Variants in TSPAN18 observed in about 807,000 individuals in gnomAD.
TSPAN18 encodes tetraspanin-18.
In TSPAN18, 14 loss-of-function variants were observed where a neutral mutation model predicts 27.3. The ratio of observed to expected loss-of-function variants is 0.51; its 90% CI spans 0.34 to 0.80. The LOEUF (loss-of-function observed/expected upper bound fraction) is 0.80, where lower values mean the gene tolerates loss of function less well. TSPAN18 is among the 30% of genes least tolerant of loss of function. The pLI is 0.01. For missense variants in TSPAN18, 268 were observed against 323.9 expected (o/e 0.83, Z 1.32); for synonymous variants, 143 against 136.5 (o/e 1.05, Z -0.33).
intron 2 of TSPAN18, among the ~76,000 whole-genome samples, chr11:44,849,090 G>A (rs34372999): frequency 0.19 from 28,676 of 152,190 alleles, 3,623 homozygotes; most frequent in Non-Finnish European, 0.28. Flanking sequence ...AGTGCATTGT[G>A]CAGCACCTGC....
chr11:44,820,609 C>A (rs1565164422), intron 2 of TSPAN18, among the ~76,000 whole-genome samples: 1 of 152,108 alleles, frequency 6.6e-6, no homozygotes, highest in East Asian at 1.9e-4. Flanking sequence ...TAAAATGATA[C>A]TTTCCTAGGT....
intron 2 of TSPAN18, among the ~76,000 whole-genome samples, chr11:44,766,951 G>A (rs1360508245): frequency 6.6e-6 from 1 of 152,216 alleles, no homozygotes; most frequent in East Asian, 1.9e-4. Flanking sequence ...GTAAGGTCAA[G>A]GTGACTACCA....
Position 44,908,811 on chromosome 11 carries a change from G to GAA in TSPAN18, c.64-892_64-891dup, listed in dbSNP as rs763608223. ...AGAAAGAAAGAAAGAAAGAAAGAAA[G>GAA]AAAGAAAGAAAGAAAGAAAAAGAAA... is the stretch of plus-strand genomic sequence containing the variant. On this transcript the variant is annotated intron_variant, in intron 4 of 9. Coordinates refer to ENST00000520358, the MANE Select transcript of TSPAN18 (RefSeq NM_130783.5). Among the ~76,000 whole-genome samples the GAA allele has an allele frequency of 5.2e-5, 6 of 114,980 alleles. 1 individual carries two copies. Among genetic ancestry groups the GAA allele is most frequent in the South Asian group, 2.8e-4 (1 of 3,562 alleles). 75.4% of individuals were successfully genotyped at this position (114,980 alleles called of 152,430 possible). A position where few individuals can be genotyped will look rare whatever the true frequency, so the allele number is the denominator to read the frequency against.
intron 2 of TSPAN18, among the ~76,000 whole-genome samples, chr11:44,832,612 G>A (rs1461993778): frequency 3.9e-5 from 6 of 152,300 alleles, no homozygotes; most frequent in Middle Eastern, 3.4e-3. Flanking sequence ...CCACTGCCCC[G>A]GAGGGATCTA....
At chr11:44,859,233 G>A (rs372292937) in intron 2 of TSPAN18, among the ~76,000 whole-genome samples, 33 of 152,300 alleles carry the variant, frequency 2.2e-4, no homozygotes, top group African/African-American at 7.5e-4. Context: ...AGAATTTAGA[G>A]ATGCTGTTTG....
chr11:44,751,764 T>G (rs1387119506), intron 1 of TSPAN18, among the ~76,000 whole-genome samples: 1 of 151,910 alleles, frequency 6.6e-6, no homozygotes, highest in South Asian at 2.1e-4. Flanking sequence ...CCATCTCTAC[T>G]AAAAATACAA....
chr11:44,883,278 A>T (rs1347229264), intron 3 of TSPAN18, among the ~76,000 whole-genome samples: 1 of 152,160 alleles, frequency 6.6e-6, no homozygotes. Context: ...CACCATTTCC[A>T]TTTCCAAAAG....
At chr11:44,781,499 C>T (rs1855939165) in intron 2 of TSPAN18, among the ~76,000 whole-genome samples, 1 of 152,172 alleles carries the variant, frequency 6.6e-6, no homozygotes, top group African/African-American at 2.4e-5. Context: ...GGAGAAGGTG[C>T]AGTAGCAGCA....
intron 2 of TSPAN18, among the ~76,000 whole-genome samples, chr11:44,808,305 T>C (rs951044735): frequency 1.3e-5 from 2 of 152,170 alleles, no homozygotes; most frequent in Non-Finnish European, 2.9e-5. Context: ...TCCTCCAGCA[T>C]CTTGAGGGTG....
At chr11:44,775,442 G>C (rs751706) in intron 2 of TSPAN18, among the ~76,000 whole-genome samples, 65,840 of 151,960 alleles carry the variant, frequency 0.43, 15,583 homozygotes, top group Non-Finnish European at 0.52. Context: ...AACTTGAATC[G>C]CTCCTGTTCC....
Position 44,919,272 on chromosome 11 carries a change from C to CCTGG in TSPAN18, c.392_393insCTGG (p.Asp132TrpfsTer24), listed in dbSNP as rs1860034678. On this transcript the variant is annotated frameshift_variant, in exon 7 of 10. Transcript: ENST00000520358. LOFTEE classifies it high-confidence loss of function. The stretch of plus-strand genomic sequence containing the variant: ...AAGCACTACCAGGGCAATAACGACA[C>CCTGG]AGACGTCTTCTCTGCCACCTGGAAC... 6.8e-6 allele frequency: 11 copies of CCTGG among 1,614,060 alleles called. No homozygotes were observed. In the East Asian group the frequency reaches 2.2e-4, roughly 33 times the overall value.
chr11:44,859,952 C>T (rs1857833108), intron 2 of TSPAN18, among the ~76,000 whole-genome samples: 1 of 152,188 alleles, frequency 6.6e-6, no homozygotes, highest in African/African-American at 2.4e-5. Context: ...CTCCAATCTG[C>T]TTGGACTCAT....
chr11:44,832,598 A>T (rs1185157302), intron 2 of TSPAN18, among the ~76,000 whole-genome samples: 1 of 152,058 alleles, frequency 6.6e-6, no homozygotes, highest in Non-Finnish European at 1.5e-5. Flanking sequence ...TTCCTCCCAA[A>T]CTGCCACTGC....
At chr11:44,903,788 G>A (rs1333843112) in intron 3 of TSPAN18, 1 of 438,128 alleles carries the variant, frequency 2.3e-6, no homozygotes, top group Non-Finnish European at 4.6e-6. Flanking sequence ...ACCATCCTTT[G>A]TCCTTCCAAG....
intron 2 of TSPAN18, among the ~76,000 whole-genome samples, chr11:44,837,375 C>A: frequency 6.6e-6 from 1 of 152,162 alleles, no homozygotes; most frequent in Admixed American, 6.5e-5. Flanking sequence ...GACTGAATTG[C>A]CGCAATCTCA....
intron 5 of TSPAN18, among the ~76,000 whole-genome samples, chr11:44,915,110 C>T (rs1859858095): frequency 6.6e-6 from 1 of 152,210 alleles, no homozygotes. Flanking sequence ...GTGGGCACGC[C>T]AGCTCCAGCT....
At chr11:44,866,880 G>T (rs960147932) in intron 3 of TSPAN18, among the ~76,000 whole-genome samples, 1 of 152,088 alleles carries the variant, frequency 6.6e-6, no homozygotes, top group South Asian at 2.1e-4. Flanking sequence ...ACCATCTTCG[G>T]AAAGAAGAGA....
At chr11:44,784,247 C>T (rs1267921641) in intron 2 of TSPAN18, among the ~76,000 whole-genome samples, 1 of 152,058 alleles carries the variant, frequency 6.6e-6, no homozygotes, top group East Asian at 1.9e-4. Context: ...GGAGAGGGAC[C>T]GAACAGGCTG....
chr11:44,833,170 A>T (rs1319100974), intron 2 of TSPAN18, among the ~76,000 whole-genome samples: 1 of 151,848 alleles, frequency 6.6e-6, no homozygotes, highest in Non-Finnish European at 1.5e-5. Context: ...GACACAATGG[A>T]CAGGGCAGGA....
Sources: allele counts gnomAD v4.1 joint callset (sites outside exome capture counted in the v4.1 genomes callset), GRCh38; gene constraint gnomAD v4.1.1; transcripts MANE v1.5; gene names NCBI Gene and HGNC (gene_info 2026-07-23, HGNC 2026-07-21).